The following USP16 variants were observed in gnomAD, a reference collection of about 807,000 sequenced individuals.
USP16 encodes ubiquitin specific peptidase 16, also known as ubiquitin carboxyl-terminal hydrolase 16.
A neutral mutation model predicts 95.9 loss-of-function variants in USP16; 77 were observed. That is an observed-to-expected ratio of 0.80 (90% CI 0.67 to 0.97). USP16 has a LOEUF of 0.97. USP16 is among the 50% of genes least tolerant of loss of function. USP16 has a pLI of 0.00. For synonymous variants in USP16, 303 were observed against 318.2 expected, an observed-to-expected ratio of 0.95 and a Z score of 0.51; for missense variants, 943 against 959.9, an observed-to-expected ratio of 0.98 and a Z score of 0.23.
chr21:29,053,570 A>G lies in USP16; in HGVS notation c.2194-232A>G, dbSNP rs149721151. On this transcript the variant is annotated intron_variant, in intron 16 of 17. Transcript: ENST00000399976. ...GGTATCTGAGCCAGGTAACTGCATC[A>G]AGTGGCCTGTGGCTTACAGCTTTTC... 5.7e-3 allele frequency: 2,407 copies of G among 423,080 alleles called. 18 individuals carry two copies. The highest frequency in any genetic ancestry group is 8.4e-3 in the Non-Finnish European group (2,021 of 239,570). 26.2% of individuals were successfully genotyped at this position (423,080 alleles called of 1,614,324 possible).
Position 29,041,785 on chromosome 21 carries a change from C to G in USP16, c.1031-228C>G, listed in dbSNP as rs1161202532. Among the ~76,000 whole-genome samples the G allele has an allele frequency of 7.4e-4, 112 of 152,114 alleles. 2 individuals carry two copies. Among genetic ancestry groups the G allele is most frequent in the Non-Finnish European group, 4.4e-5 (3 of 67,968 alleles). Reference sequence around the variant, plus strand: ...AGATCTTGGATAAGGACTTTTTTGTCTTATTCATAAAAGGCGATTGTGTTC... The same window carrying G: ...AGATCTTGGATAAGGACTTTTTTGTGTTATTCATAAAAGGCGATTGTGTTC... On this transcript the variant is annotated intron_variant, in intron 10 of 17. Coordinates refer to ENST00000399976, the MANE Select transcript of USP16 (RefSeq NM_006447.3).
chr21:29,026,692 T>C (rs1434824075), intron 1 of USP16: 1 of 152,020 alleles, frequency 6.6e-6, no homozygotes, highest in Non-Finnish European at 1.5e-5. Flanking sequence ...AACATCTGCC[T>C]TTTAGCTCAT....
intron 12 of USP16, 25 bp downstream of exon 12, chr21:29,042,553 T>A: frequency 6.3e-7 from 1 of 1,576,148 alleles, no homozygotes; most frequent in Non-Finnish European, 8.6e-7. Context: ...TTTATTTTAT[T>A]CAAGTAGATT....
Position 29,047,173 on chromosome 21 carries a change from A to G in USP16, c.1863A>G (p.Ala621=), listed in dbSNP as rs747173602. 1 of 1,614,194 alleles carries G rather than the reference A, an allele frequency of 6.2e-7. No individual in the cohort carries two copies. Among genetic ancestry groups the G allele is most frequent in the South Asian group, 1.1e-5 (1 of 91,084 alleles). The change falls in exon 14 of 18, where the codon GCA becomes GCG. Residue 621 remains alanine (A), a synonymous_variant. Coordinates refer to ENST00000399976, the MANE Select transcript of USP16 (RefSeq NM_006447.3). ...CAGAAACTGCTTTCTGTACTCTTGC[A>G]AACAGGGAAGTTTTCAATACTGATG... ...EDPETAFCTL[A]NREVFNTDEC...
rs1465574089 is a variant in USP16, at chr21:29,053,793, T to G, written c.2194-9T>G. 6.2e-7 allele frequency: 1 copy of G among 1,609,108 alleles called. No individual in the cohort carries two copies. The highest frequency in any genetic ancestry group is 2.2e-5 in the East Asian group (1 of 44,872). Reference sequence around the variant, plus strand: ...AGAACTAACTTTTGGATTCTACTCATTTTTAAAGAATGTTGCAGAAGAAAA... The same window carrying G: ...AGAACTAACTTTTGGATTCTACTCAGTTTTAAAGAATGTTGCAGAAGAAAA... On this transcript the variant is annotated splice_polypyrimidine_tract_variant and intron_variant, in intron 16 of 17. Coordinates refer to ENST00000399976, the MANE Select transcript of USP16 (RefSeq NM_006447.3).
intron 13 of USP16, among the ~76,000 whole-genome samples, chr21:29,045,292 T>C (rs2085306234): frequency 6.6e-6 from 1 of 152,208 alleles, no homozygotes; most frequent in Non-Finnish European, 1.5e-5. Flanking sequence ...GGCTGTTCTT[T>C]CAGTTCTTTC....
At chr21:29,037,548 G>A (rs2085177503) in intron 6 of USP16, 85 bp downstream of exon 6, 1 of 783,972 alleles carries the variant, frequency 1.3e-6, no homozygotes, top group South Asian at 3.1e-5. Context: ...TTTTCCACCT[G>A]AGTAATTTAT....
Position 29,048,790 on chromosome 21 carries a change from A to G in USP16, c.2041A>G (p.Lys681Glu), listed in dbSNP as rs775027572. 1 of 1,613,684 alleles carries G rather than the reference A, an allele frequency of 6.2e-7. No homozygotes were observed. Among genetic ancestry groups the G allele is most frequent in the Non-Finnish European group, 8.5e-7 (1 of 1,179,830 alleles). Residue 681 changes from lysine (K) to glutamate (E), a missense_variant, in exon 15 of 18, where the codon AAA (lysine) becomes GAA (glutamate). Coordinates refer to ENST00000399976, the MANE Select transcript of USP16 (RefSeq NM_006447.3). ...GERKHVYTNAKKQMLISLAPP... is the reference protein window; with the variant it reads ...GERKHVYTNAEKQMLISLAPP... Reference sequence around the variant, plus strand: ...AAGGAAGCATGTTTACACCAATGCCAAAAAGCAGATGCTAATTTCTCTTGC... The same window carrying G: ...AAGGAAGCATGTTTACACCAATGCCGAAAAGCAGATGCTAATTTCTCTTGC...
Position 29,030,695 on chromosome 21 carries a change from C to G in USP16, c.162C>G (p.Asp54Glu). 6.2e-7 allele frequency: 1 copy of G among 1,613,750 alleles called. No individual in the cohort carries two copies. The highest frequency in any genetic ancestry group is 8.5e-7 in the Non-Finnish European group (1 of 1,179,846). Residue 54 changes from aspartate (D) to glutamate (E), a missense_variant, in exon 3 of 18, where the codon GAC becomes GAG. By Grantham distance (45) the Asp-to-Glu change is conservative. Transcript: ENST00000399976. ...ATATCTGCCAAGACTGTAAGACTGA[C>G]AATAAAGTGAAAGATAAAGCTGAAG... ...EWNICQDCKT[D>E]NKVKDKAEEE...
intron 6 of USP16, among the ~76,000 whole-genome samples, chr21:29,037,727 A>G (rs1438855955): frequency 6.6e-6 from 1 of 151,974 alleles, no homozygotes; most frequent in Non-Finnish European, 1.5e-5. Context: ...CTGGGACTAC[A>G]GGCATGCGCC....
chr21:29,036,504 A>G, intron 5 of USP16, 130 bp downstream of exon 5: 2 of 869,662 alleles, frequency 2.3e-6, no homozygotes, highest in South Asian at 3.4e-5. Flanking sequence ...CAAACTATGA[A>G]ACTATTTTTG....
intron 16 of USP16, 36 bp from the exon 17 acceptor site, chr21:29,053,766 C>T (rs764207678): frequency 6.2e-7 from 1 of 1,600,412 alleles, no homozygotes; most frequent in African/African-American, 1.3e-5. Flanking sequence ...GTAAATGGAA[C>T]TAGAACTAAC....
At position 29,046,947 on chromosome 21, in the gene USP16, T is replaced by A; in HGVS notation, c.1637T>A (p.Leu546Gln). 1.9e-6 allele frequency: 3 copies of A among 1,614,136 alleles called. No individual in the cohort carries two copies. The highest frequency in any genetic ancestry group is 2.5e-6 in the Non-Finnish European group (3 of 1,180,010). The stretch of plus-strand genomic sequence containing the variant: ...AAAAATATCAACATGGATAATGATC[T>A]GGAGGTTTTAACATCTTCTCCCACT... The part of the protein sequence containing the change: ...DMKNINMDND[L>Q]EVLTSSPTRN... Residue 546 changes from leucine (L) to glutamine (Q), a missense_variant, in exon 14 of 18, where the codon CTG (leucine) becomes CAG (glutamine). By Grantham distance (113) the Leu-to-Gln change is moderately radical. Coordinates refer to ENST00000399976, the MANE Select transcript of USP16 (RefSeq NM_006447.3).
chr21:29,049,501 G>A (rs1391202141), intron 15 of USP16, among the ~76,000 whole-genome samples: 1 of 152,166 alleles, frequency 6.6e-6, no homozygotes, highest in Non-Finnish European at 1.5e-5. Context: ...AGAACCTGTG[G>A]TCTAATCTGG....
rs2085016530 is a variant in USP16 at position 29,027,873 on chromosome 21, A to G, written c.-41A>G. On this transcript the variant is annotated splice_region_variant and 5_prime_UTR_variant, in exon 2 of 18. Transcript: ENST00000399976. ...AAGCTAACTTTATCTTGTTTTCTAG[A>G]TTGTTATTTTGTGTCAGTAAGTAAT... The G allele has an allele frequency of 2.5e-6, 4 of 1,611,036 alleles. No individual in the cohort carries two copies. The highest frequency in any genetic ancestry group is 3.4e-6 in the Non-Finnish European group (4 of 1,177,794).
chr21:29,038,939 G>A, intron 7 of USP16, 87 bp from the exon 8 acceptor site: 1 of 1,292,694 alleles, frequency 7.7e-7, no homozygotes, highest in South Asian at 2.2e-5. Flanking sequence ...CAGGAACATT[G>A]GTAGTATATG....
Position 29,048,766 on chromosome 21 carries a change from AG to A in USP16, c.2019del (p.Lys674SerfsTer12). Reference sequence around the variant, plus strand: ...AAATTTCTTCTTTTCTTTAGGTGAAAGGAAGCATGTTTACACCAATGCCAAA... The same window carrying A: ...AAATTTCTTCTTTTCTTTAGGTGAAAGAAGCATGTTTACACCAATGCCAAA... ...NGPKANIKGE[R>X]KHVYTNAKKQ... On this transcript the variant is annotated frameshift_variant, in exon 15 of 18. Coordinates refer to ENST00000399976, the MANE Select transcript of USP16 (RefSeq NM_006447.3). LOFTEE classifies it high-confidence loss of function. 1 of 1,612,992 alleles carries A rather than the reference AG, an allele frequency of 6.2e-7. No individual in the cohort carries two copies. The highest frequency in any genetic ancestry group is 8.5e-7 in the Non-Finnish European group (1 of 1,179,478).
At chr21:29,030,367 A>G (rs1370966332) in intron 2 of USP16, among the ~76,000 whole-genome samples, 1 of 152,208 alleles carries the variant, frequency 6.6e-6, no homozygotes, top group Non-Finnish European at 1.5e-5. Context: ...AGTGGTGGTT[A>G]TATTTAGGAC....
chr21:29,031,228 A>G lies in USP16; in HGVS notation c.240+455A>G, dbSNP rs553941723. Among the ~76,000 whole-genome samples the G allele has an allele frequency of 3.9e-5, 6 of 152,278 alleles. No homozygotes were observed. In the South Asian group the frequency reaches 1.2e-3, roughly 32 times the overall value. On this transcript the variant is annotated intron_variant, in intron 3 of 17. Transcript: ENST00000399976. The stretch of plus-strand genomic sequence containing the variant: ...CGGCCACATTCTCAGCACCTGGGGG[A>G]ATGAGTAGTACCTTGATCTTTGGCA...
Sources: allele counts gnomAD v4.1 joint callset (sites outside exome capture counted in the v4.1 genomes callset), GRCh38; gene constraint gnomAD v4.1.1; transcripts MANE v1.5; gene names NCBI Gene and HGNC (gene_info 2026-07-23, HGNC 2026-07-21).